ADAMTS20: variants seen among roughly 807,000 people sequenced by gnomAD.
ADAMTS20 encodes the protein ADAM metallopeptidase with thrombospondin type 1 motif 20, also known as A disintegrin and metalloproteinase with thrombospondin motifs 20.
Under a neutral mutation model 260.1 loss-of-function variants are expected in ADAMTS20, and 225 were observed. That is an observed-to-expected ratio of 0.87 (90% CI 0.78 to 0.97). The LOEUF (loss-of-function observed/expected upper bound fraction) is 0.97, where lower values mean the gene tolerates loss of function less well. ADAMTS20 is among the 50% of genes least tolerant of loss of function. ADAMTS20 has a pLI of 0.00. For synonymous variants in ADAMTS20, 802 were observed against 769.5 expected (o/e 1.04, Z -0.70); for missense variants, 2,400 against 2,337.7 (o/e 1.03, Z -0.55).
chr12:43,452,665 G>A lies in ADAMTS20; in HGVS notation c.1791C>T (p.Gly597=). 6.2e-7 allele frequency: 1 copy of A among 1,610,140 alleles called. No individual in the cohort carries two copies. Among genetic ancestry groups the A allele is most frequent in the Middle Eastern group, 1.7e-4 (1 of 6,060 alleles). Residue 597 remains glycine, a synonymous_variant, in exon 13 of 39, where the codon GGC becomes GGT. Coordinates refer to ENST00000389420, the MANE Select transcript of ADAMTS20 (RefSeq NM_025003.5). ...TACATGATCGAAATTTCATCCTGCG[G>A]CCCACACAGTAATTTCCTCCGTTTC... ...EPRNGGNYCV[G]RRMKFRSCNT... is the part of the protein sequence containing the mutation.
chr12:43,500,915 T>C (rs965987747), intron 4 of ADAMTS20, among the ~76,000 whole-genome samples: 3 of 152,146 alleles, frequency 2.0e-5, no homozygotes, highest in African/African-American at 7.2e-5. Context: ...CTAAGGGAAA[T>C]TTACAATATC....
Position 43,432,338 on chromosome 12 carries a change from GAAAATT to G in ADAMTS20, c.3056_3061del (p.Glu1019_Ser1021delinsAla). ...TTCACTAGCAGCCCAACTGGGACAGGAAAATTCATTGCAATTCTCTCTCGTCACTCG... is the reference window on the plus strand; with the variant it reads ...TTCACTAGCAGCCCAACTGGGACAGGCATTGCAATTCTCTCTCGTCACTCG... On this transcript the variant is annotated inframe_deletion, in exon 21 of 39. Coordinates refer to ENST00000389420, the MANE Select transcript of ADAMTS20 (RefSeq NM_025003.5). The G allele has an allele frequency of 6.2e-7, 1 of 1,613,856 alleles. No individual in the cohort carries two copies. The highest frequency in any genetic ancestry group is 8.5e-7 in the Non-Finnish European group (1 of 1,179,840).
rs192833120 is a variant in ADAMTS20 at position 43,370,267 on chromosome 12, C to A, written c.5447-886G>T. Among the ~76,000 whole-genome samples, 225 of 152,316 alleles carry A rather than the reference C, an allele frequency of 1.5e-3. 2 individuals are homozygous for A. Among genetic ancestry groups the A allele is most frequent in the Non-Finnish European group, 1.6e-3 (106 of 68,030 alleles). On this transcript the variant is annotated intron_variant, in intron 36 of 38. Coordinates refer to ENST00000389420, the MANE Select transcript of ADAMTS20 (RefSeq NM_025003.5). ...CATGGTTTACCAGAGCCAGCTTGTACCAAATAGTGAGAGCCAACTCTGTGC... is the reference window on the plus strand; with the variant it reads ...CATGGTTTACCAGAGCCAGCTTGTAACAAATAGTGAGAGCCAACTCTGTGC...
In ADAMTS20 at chr12:43,551,419, A is replaced by T; in HGVS notation, c.92-149T>A. The T allele has an allele frequency of 8.5e-7, 1 of 1,179,224 alleles. No homozygotes were observed. The highest frequency in any genetic ancestry group is 1.6e-5 in the South Asian group (1 of 62,626). 73.0% of individuals were successfully genotyped at this position (1,179,224 alleles called of 1,614,324 possible). The stretch of plus-strand genomic sequence containing the variant: ...TGCACACATGCTGATGCGCACGCAC[A>T]CACACACACGTGCACTGGGACGGTT... On this transcript the variant is annotated intron_variant, in intron 1 of 38. Transcript: ENST00000389420. The surrounding 1 kb of genome is among the most constrained non-coding windows in gnomAD (Gnocchi z 4.6).
chr12:43,478,110 AATT>A (rs145597130), intron 7 of ADAMTS20, among the ~76,000 whole-genome samples: 27 of 152,316 alleles, frequency 1.8e-4, no homozygotes, highest in Non-Finnish European at 3.4e-4. Flanking sequence ...CGTAATATAA[AATT>A]ATTCCACATA....
Position 43,428,354 on chromosome 12 carries a change from T to C in ADAMTS20, c.3832A>G (p.Ser1278Gly), listed in dbSNP as rs1382501950. The C allele has an allele frequency of 3.1e-6, 5 of 1,613,922 alleles. No homozygotes were observed. Among genetic ancestry groups the C allele is most frequent in the Admixed American group, 3.3e-5 (2 of 59,994 alleles). Reference protein sequence around the residue: ...SHFPSSPVQPSYYLSTNLPLT... With the variant: ...SHFPSSPVQPGYYLSTNLPLT... ...GGCAAATTCGTGCTTAGATAATAGC[T>C]TGGCTGCACAGGGGAACTAGGAAAG... The change falls in exon 26 of 39, where the codon AGC (serine) becomes GGC (glycine). Residue 1278 changes from serine (S) to glycine (G), a missense_variant. By Grantham distance (56) the Ser-to-Gly change is moderately conservative (BLOSUM62 0). Coordinates refer to ENST00000389420, the MANE Select transcript of ADAMTS20 (RefSeq NM_025003.5).
intron 37 of ADAMTS20, among the ~76,000 whole-genome samples, chr12:43,363,789 T>A (rs1050999376): frequency 1.3e-5 from 2 of 152,098 alleles, no homozygotes; most frequent in Non-Finnish European, 2.9e-5. Flanking sequence ...ACAGAGAGAA[T>A]CAGGGAATGA....
At chr12:43,442,062 TAAAC>T (rs142191209) in intron 16 of ADAMTS20, among the ~76,000 whole-genome samples, 45 of 152,228 alleles carry the variant, frequency 3.0e-4, no homozygotes, top group Admixed American at 7.9e-4. Context: ...TTAAGGGAAA[TAAAC>T]AAAACTTTAC....
At chr12:43,369,235 G>C in intron 37 of ADAMTS20, 55 bp downstream of exon 37, 1 of 1,104,812 alleles carries the variant, frequency 9.1e-7, no homozygotes, top group Non-Finnish European at 1.2e-6. Flanking sequence ...TGAATGAAGA[G>C]AAGCTATAAT....
intron 3 of ADAMTS20, among the ~76,000 whole-genome samples, chr12:43,504,430 C>A (rs78985556): frequency 0.024 from 3,603 of 152,032 alleles, 65 homozygotes; most frequent in East Asian, 0.08. Context: ...TTGTTATGTT[C>A]CTAGGTTTTA....
intron 7 of ADAMTS20, among the ~76,000 whole-genome samples, chr12:43,471,960 C>A (rs1942271069): frequency 6.7e-6 from 1 of 150,360 alleles, no homozygotes; most frequent in African/African-American, 2.4e-5. Flanking sequence ...CAGTTCCTCA[C>A]CAGCAACGGA....
rs1941507858 is a variant in ADAMTS20, at chr12:43,434,345, T to C, written c.2620A>G (p.Ile874Val). Reference protein sequence around the residue: ...QGLQRRNITCIHKSDHSVVSD... With the variant: ...QGLQRRNITCVHKSDHSVVSD... Reference sequence around the variant, plus strand: ...ACAACACTATGATCACTCTTATGTATGCAAGTTATGTTTCTTCGCTGAAGA... The same window carrying C: ...ACAACACTATGATCACTCTTATGTACGCAAGTTATGTTTCTTCGCTGAAGA... The change falls in exon 19 of 39, where the codon ATA becomes GTA. Residue 874 changes from isoleucine (I) to valine (V), a missense_variant. Transcript: ENST00000389420. The C allele has an allele frequency of 1.3e-6, 2 of 1,587,162 alleles. No homozygotes were observed. Among genetic ancestry groups the C allele is most frequent in the African/African-American group, 2.7e-5 (2 of 74,492 alleles).
In ADAMTS20 at chr12:43,551,250, T is replaced by C; in HGVS notation, c.112A>G (p.Thr38Ala). 6.2e-7 allele frequency: 1 copy of C among 1,613,244 alleles called. No homozygotes were observed. Among genetic ancestry groups the C allele is most frequent in the African/African-American group, 1.3e-5 (1 of 74,966 alleles). ...PRQEALVRTLTSYEVVIPERV... is the reference protein window; with the variant it reads ...PRQEALVRTLASYEVVIPERV... ...TCGGGGATCACTACTTCGTAGGAGG[T>C]CAGTGTCCTCACCAGGGCTTCTGCA... Residue 38 changes from threonine (T) to alanine (A), a missense_variant, in exon 2 of 39, where the codon ACC becomes GCC. By Grantham distance (58) the Thr-to-Ala change is moderately conservative. Coordinates refer to ENST00000389420, the MANE Select transcript of ADAMTS20 (RefSeq NM_025003.5). This position sits in a 1 kb window ranked among gnomAD's most constrained non-coding sequence, Gnocchi z 4.6.
intron 38 of ADAMTS20, among the ~76,000 whole-genome samples, chr12:43,354,979 C>T (rs866166472): frequency 5.9e-5 from 9 of 152,272 alleles, no homozygotes; most frequent in African/African-American, 1.9e-4. Context: ...AGACGCCTCA[C>T]GTCTTTAGGT....
At position 43,377,448 on chromosome 12, in the gene ADAMTS20, G is replaced by A. The variant is rs1940254072; in HGVS notation, c.4912C>T (p.Pro1638Ser). 2 of 1,613,228 alleles carry A rather than the reference G, an allele frequency of 1.2e-6. No homozygotes were observed. The highest frequency in any genetic ancestry group is 1.7e-6 in the Non-Finnish European group (2 of 1,179,652). ...TAAACCTGAGAGGAAGGCACCACAGGGCATTCTTGATAAACTATAGGCCGA... is the reference window on the plus strand; with the variant it reads ...TAAACCTGAGAGGAAGGCACCACAGAGCATTCTTGATAAACTATAGGCCGA... ...RLRPIVYQEC[P>S]VVPSSQVYQC... Residue 1638 changes from proline (P) to serine (S), a missense_variant, in exon 32 of 39, where the codon CCT becomes TCT. Physicochemically the swap from Pro to Ser is moderately conservative, Grantham distance 74. Coordinates refer to ENST00000389420, the MANE Select transcript of ADAMTS20 (RefSeq NM_025003.5).
intron 29 of ADAMTS20, among the ~76,000 whole-genome samples, chr12:43,389,593 C>G (rs2137236782): frequency 6.6e-6 from 1 of 152,144 alleles, no homozygotes; most frequent in East Asian, 1.9e-4. Flanking sequence ...TATGGCCCTT[C>G]CAGACTGAAG....
chr12:43,519,594 A>G (rs1217676839), intron 3 of ADAMTS20, among the ~76,000 whole-genome samples: 2 of 152,082 alleles, frequency 1.3e-5, no homozygotes, highest in South Asian at 2.1e-4. Context: ...CCACTCTCAT[A>G]TTCTAACGTG....
At chr12:43,421,835 T>A (rs1941243593) in intron 28 of ADAMTS20, among the ~76,000 whole-genome samples, 1 of 152,010 alleles carries the variant, frequency 6.6e-6, no homozygotes, top group Non-Finnish European at 1.5e-5. Context: ...ATACATAAAC[T>A]AAATACAATT....
intron 3 of ADAMTS20, among the ~76,000 whole-genome samples, chr12:43,512,906 T>C (rs1326046720): frequency 1.3e-5 from 2 of 152,172 alleles, no homozygotes; most frequent in Non-Finnish European, 2.9e-5. Flanking sequence ...AATGTGGTAA[T>C]ATATGAAGAC....
Sources: allele counts gnomAD v4.1 joint callset (sites outside exome capture counted in the v4.1 genomes callset), GRCh38; gene constraint gnomAD v4.1.1; non-coding constraint Gnocchi (gnomAD v3.1); transcripts MANE v1.5; gene names NCBI Gene and HGNC (gene_info 2026-07-23, HGNC 2026-07-21).